Variants in SGK1 observed in about 807,000 individuals in gnomAD.
SGK1 encodes serum/glucocorticoid regulated kinase 1.
Under a neutral mutation model 64.2 loss-of-function variants are expected in SGK1, and 26 were observed. The ratio of observed to expected loss-of-function variants is 0.40; its 90% CI spans 0.30 to 0.56. The LOEUF (loss-of-function observed/expected upper bound fraction) is 0.56, where lower values mean the gene tolerates loss of function less well. Among genes scored for constraint, SGK1 ranks in the 20% least tolerant of loss-of-function variants. The pLI is 0.38. For synonymous variants in SGK1, 265 were observed against 239.7 expected (o/e 1.11, Z -0.98); for missense variants, 519 against 645.6 (o/e 0.80, Z 2.12).
At chr6:134,231,947 G>T (rs1389974903) in intron 2 of SGK1, among the ~76,000 whole-genome samples, 1 of 151,242 alleles carries the variant, frequency 6.6e-6, no homozygotes, top group Non-Finnish European at 1.5e-5. Context: ...GTTGAGGCAG[G>T]AGAATTGCTT....
intron 2 of SGK1, among the ~76,000 whole-genome samples, chr6:134,215,881 T>C (rs1775971590): frequency 6.6e-6 from 1 of 152,038 alleles, no homozygotes; most frequent in Non-Finnish European, 1.5e-5. Flanking sequence ...CCAGGCGTGG[T>C]GGTGCATGTC....
Position 134,169,725 on chromosome 6 carries a change from GAAAC to G in SGK1, c.*539_*542del, listed in dbSNP as rs1475631591. ...ATAAATTTATCTTCCAAATATGGAA[GAAAC>G]AAACAATGTCCCACGTTGTAGTGTC... On this transcript the variant is annotated 3_prime_UTR_variant, in exon 14 of 14. Coordinates refer to ENST00000367858, the MANE Select transcript of SGK1 (RefSeq NM_001143676.3). 5 of 152,590 alleles carry G rather than the reference GAAAC, an allele frequency of 3.3e-5. No homozygotes were observed. The highest frequency in any genetic ancestry group is 1.3e-4 in the Admixed American group (2 of 15,274). The allele number at this position is 152,590 out of a possible 1,614,324, so 9.5% of individuals were successfully genotyped here.
chr6:134,265,528 T>C (rs1456734250), intron 1 of SGK1, among the ~76,000 whole-genome samples: 2 of 147,268 alleles, frequency 1.4e-5, no homozygotes. Context: ...TATATACATA[T>C]ATATTTTATA....
chr6:134,252,293 G>A (rs1232305409), intron 2 of SGK1, among the ~76,000 whole-genome samples: 2 of 152,164 alleles, frequency 1.3e-5, no homozygotes. Flanking sequence ...AAACATGGAA[G>A]TACTCCTGGA....
rs184209257 is a variant in SGK1, at chr6:134,317,300, G to C, written c.69+92C>G. 5.3e-3 allele frequency: 4,454 copies of C among 845,558 alleles called. 25 individuals are homozygous for C. The highest frequency in any genetic ancestry group is 6.4e-3 in the Non-Finnish European group (3,078 of 481,330). 52.4% of individuals were successfully genotyped at this position (845,558 alleles called of 1,614,324 possible). On this transcript the variant is annotated intron_variant, in intron 1 of 13. Coordinates refer to ENST00000367858, the MANE Select transcript of SGK1 (RefSeq NM_001143676.3). ...AAGCACGGCTTACATTAAGGGTTTA[G>C]CAACAAAACCTCAGGCTTACTTCAG... is the stretch of plus-strand genomic sequence containing the variant.
intron 1 of SGK1, among the ~76,000 whole-genome samples, chr6:134,304,544 G>C (rs1777507125): frequency 6.6e-6 from 1 of 152,070 alleles, no homozygotes; most frequent in African/African-American, 2.4e-5. Context: ...AGAATTGCTT[G>C]AATCTGGGAG....
intron 1 of SGK1, chr6:134,283,071 T>G (rs7749968): frequency 0.11 from 16,473 of 152,028 alleles, 1,322 homozygotes; most frequent in African/African-American, 0.19. Flanking sequence ...AAATGTGTCT[T>G]TTGTTTAAAG....
At chr6:134,207,581 G>A (rs1242910412) in intron 2 of SGK1, 150 bp from the exon 3 acceptor site, 6 of 640,386 alleles carry the variant, frequency 9.4e-6, no homozygotes, top group African/African-American at 1.8e-5. Context: ...TCTCAGGACC[G>A]TGCTGGGTAT....
chr6:134,189,328 C>G (rs561201693), intron 3 of SGK1, among the ~76,000 whole-genome samples: 1 of 151,630 alleles, frequency 6.6e-6, no homozygotes, highest in African/African-American at 2.4e-5. Context: ...ACAGAAGATA[C>G]AAATGGAATC....
At chr6:134,297,282 T>G (rs1425354009) in intron 1 of SGK1, 1 of 1,271,990 alleles carries the variant, frequency 7.9e-7, no homozygotes, top group Admixed American at 1.7e-5. Context: ...CAGGGCCAGC[T>G]TGACGTTCAT....
chr6:134,221,107 C>T lies in SGK1; in HGVS notation c.286-13676G>A, dbSNP rs374361846. Among the ~76,000 whole-genome samples the T allele has an allele frequency of 1.9e-3, 295 of 151,526 alleles. 1 individual carries two copies. The highest frequency in any genetic ancestry group is 6.6e-3 in the African/African-American group (274 of 41,276). On this transcript the variant is annotated intron_variant, in intron 2 of 13. Coordinates refer to ENST00000367858, the MANE Select transcript of SGK1 (RefSeq NM_001143676.3). ...TCATCTGAGGTCAAGAGTTCGAAACCAGCCTGGCCAACATGGTGAAACCCT... is the reference window on the plus strand; with the variant it reads ...TCATCTGAGGTCAAGAGTTCGAAACTAGCCTGGCCAACATGGTGAAACCCT...
At chr6:134,301,613 C>T (rs1437651891) in intron 1 of SGK1, among the ~76,000 whole-genome samples, 1 of 150,954 alleles carries the variant, frequency 6.6e-6, no homozygotes, top group Non-Finnish European at 1.5e-5. Flanking sequence ...CTTTTTGAGA[C>T]AGGGTCTTAC....
At chr6:134,297,717 G>A (rs1777381960) in intron 1 of SGK1, 1 of 455,414 alleles carries the variant, frequency 2.2e-6, no homozygotes. Flanking sequence ...TGGTCAGGCT[G>A]GTCTTGAACT....
At chr6:134,307,244 C>T (rs145146522) in intron 1 of SGK1, among the ~76,000 whole-genome samples, 9 of 152,304 alleles carry the variant, frequency 5.9e-5, no homozygotes, top group Non-Finnish European at 1.3e-4. Context: ...GGCCCTTTTA[C>T]GTAAAAGCTG....
At chr6:134,173,809 G>A (rs534359141) in intron 5 of SGK1, 196 bp downstream of exon 5, 28 of 579,554 alleles carry the variant, frequency 4.8e-5, no homozygotes, top group Non-Finnish European at 7.2e-5. Flanking sequence ...CACTTTGGAG[G>A]TAAAATATGC....
rs13437442 is a variant in SGK1, at chr6:134,190,235, C to T, written c.362-15649G>A. Among the ~76,000 whole-genome samples, 1,066 of 151,674 alleles carry T rather than the reference C, an allele frequency of 7.0e-3. 11 individuals are homozygous for T. The highest frequency in any genetic ancestry group is 0.024 in the African/African-American group (1,012 of 41,346). Reference sequence around the variant, plus strand: ...TTTTCCTTCTATAGTGGGAAAACAACAATCAAAGAGCAGAAATGGGGCCCT... The same window carrying T: ...TTTTCCTTCTATAGTGGGAAAACAATAATCAAAGAGCAGAAATGGGGCCCT... On this transcript the variant is annotated intron_variant, in intron 3 of 13. Transcript: ENST00000367858.
chr6:134,183,557 C>T (rs1400073606), intron 3 of SGK1, among the ~76,000 whole-genome samples: 1 of 152,154 alleles, frequency 6.6e-6, no homozygotes, highest in African/African-American at 2.4e-5. Flanking sequence ...ACTGCACGTT[C>T]CCAAAAGCAA....
chr6:134,190,970 G>C (rs1432061708), intron 3 of SGK1, among the ~76,000 whole-genome samples: 1 of 152,046 alleles, frequency 6.6e-6, no homozygotes, highest in African/African-American at 2.4e-5. Flanking sequence ...TGTTTTTGTC[G>C]AAGAGCAATC....
chr6:134,303,883 C>G (rs943631238), intron 1 of SGK1, among the ~76,000 whole-genome samples: 1 of 152,146 alleles, frequency 6.6e-6, no homozygotes, highest in Non-Finnish European at 1.5e-5. Context: ...TTTCCTTCCC[C>G]TTGAATCTGG....
Sources: gnomAD v4.1 joint callset for allele counts (sites outside exome capture counted in the v4.1 genomes callset) on GRCh38, gnomAD v4.1.1 for gene constraint, MANE v1.5 for transcripts, NCBI Gene and HGNC (gene_info 2026-07-23, HGNC 2026-07-21) for gene names.